Variants in SYN3 observed in about 807,000 individuals in gnomAD.
SYN3 encodes synapsin III.
In SYN3, 35 loss-of-function variants were observed where a neutral mutation model predicts 65.8. The ratio of observed to expected loss-of-function variants is 0.53; its 90% CI spans 0.41 to 0.70. SYN3 has a LOEUF of 0.70. Among genes scored for constraint, SYN3 ranks in the 30% least tolerant of loss-of-function variants. SYN3 has a pLI of 0.00. For missense variants in SYN3, 680 were observed against 749.0 expected (o/e 0.91, Z 1.08); for synonymous variants, 270 against 292.9 (o/e 0.92, Z 0.80).
intron 6 of SYN3, among the ~76,000 whole-genome samples, chr22:32,615,161 C>A (rs73154348): frequency 1.3e-5 from 2 of 151,984 alleles, no homozygotes; most frequent in South Asian, 4.1e-4. Context: ...GCCTGTAATC[C>A]CAGCCATGGG....
At chr22:32,777,364 G>C (rs1183539200) in intron 6 of SYN3, among the ~76,000 whole-genome samples, 3 of 142,532 alleles carry the variant, frequency 2.1e-5, no homozygotes, top group African/African-American at 8.1e-5. Context: ...TCATTTCATG[G>C]CCTGGAGCCA....
At chr22:33,029,193 G>T (rs1192450124) in intron 1 of SYN3, among the ~76,000 whole-genome samples, 1 of 145,976 alleles carries the variant, frequency 6.9e-6, no homozygotes, top group Non-Finnish European at 1.5e-5. Flanking sequence ...TTTTTTTTAA[G>T]AGACGGGGTC....
chr22:33,035,732 C>A (rs543285820), intron 1 of SYN3, among the ~76,000 whole-genome samples: 175 of 152,264 alleles, frequency 1.1e-3, no homozygotes, highest in Non-Finnish European at 2.0e-3. Context: ...GCACGTACCA[C>A]AAGGCCCAGA....
chr22:32,632,007 G>A (rs1355276565), intron 6 of SYN3, among the ~76,000 whole-genome samples: 1 of 152,178 alleles, frequency 6.6e-6, no homozygotes, highest in East Asian at 1.9e-4. Context: ...TGAAGAGCCA[G>A]GATCTGTGGG....
chr22:32,991,372 A>G (rs909449180), intron 2 of SYN3, among the ~76,000 whole-genome samples: 2 of 149,076 alleles, frequency 1.3e-5, no homozygotes, highest in Non-Finnish European at 3.0e-5. Flanking sequence ...TAATAATAAT[A>G]GTAATAATAG....
rs1602043935 is a variant in SYN3 at position 32,745,233 on chromosome 22, CT to C, written c.711+119681del. Among the ~76,000 whole-genome samples, 6 of 152,254 alleles carry C rather than the reference CT, an allele frequency of 3.9e-5. No homozygotes were observed. In the East Asian group the frequency reaches 1.2e-3, roughly 29 times the overall value. ...ATCCAGAGCAGATGGAGAGCCTGGA[CT>C]TTTGCTTTCACTGATATTGGCTCCT... On this transcript the variant is annotated intron_variant, in intron 6 of 13. Coordinates refer to ENST00000358763, the MANE Select transcript of SYN3 (RefSeq NM_003490.4).
intron 6 of SYN3, among the ~76,000 whole-genome samples, chr22:32,715,219 A>C (rs2061020743): frequency 6.6e-6 from 1 of 152,200 alleles, no homozygotes. Context: ...CAAATTACCA[A>C]ATTTGTGTCA....
intron 6 of SYN3, among the ~76,000 whole-genome samples, chr22:32,612,481 A>G (rs2059458466): frequency 1.3e-5 from 2 of 152,202 alleles, no homozygotes; most frequent in East Asian, 3.8e-4. Context: ...AAACCCACAT[A>G]TTTAGTGTCA....
intron 4 of SYN3, among the ~76,000 whole-genome samples, chr22:32,887,977 A>C (rs1000904036): frequency 1.1e-4 from 16 of 152,308 alleles, no homozygotes; most frequent in African/African-American, 3.8e-4. Context: ...GCAATGTAGG[A>C]AAGTTAGTTA....
At chr22:32,975,681 A>C (rs554331618) in intron 3 of SYN3, among the ~76,000 whole-genome samples, 1 of 152,356 alleles carries the variant, frequency 6.6e-6, no homozygotes, top group South Asian at 2.1e-4. Flanking sequence ...TGATCACATC[A>C]AATTTAATCT....
chr22:32,977,222 T>C (rs2052222674), intron 3 of SYN3, among the ~76,000 whole-genome samples: 1 of 152,196 alleles, frequency 6.6e-6, no homozygotes, highest in Non-Finnish European at 1.5e-5. Flanking sequence ...GTAGACTTCA[T>C]AGACTGGCTG....
intron 6 of SYN3, among the ~76,000 whole-genome samples, chr22:32,723,244 C>T (rs1043981360): frequency 3.3e-5 from 5 of 152,226 alleles, no homozygotes; most frequent in Non-Finnish European, 5.9e-5. Flanking sequence ...TTGAAGGTAA[C>T]GTGAGCATGG....
chr22:32,959,258 G>C (rs1006681548), intron 3 of SYN3, among the ~76,000 whole-genome samples: 1 of 152,014 alleles, frequency 6.6e-6, no homozygotes, highest in Non-Finnish European at 1.5e-5. Flanking sequence ...TGTCATCCAT[G>C]TGAGATGGGA....
At chr22:32,997,823 G>C (rs1230660113) in intron 2 of SYN3, among the ~76,000 whole-genome samples, 2 of 152,082 alleles carry the variant, frequency 1.3e-5, no homozygotes, top group East Asian at 1.9e-4. Flanking sequence ...TCAGGAGATC[G>C]AGACCATCCT....
chr22:32,728,585 A>T (rs1309339769), intron 6 of SYN3, among the ~76,000 whole-genome samples: 1 of 152,172 alleles, frequency 6.6e-6, no homozygotes, highest in African/African-American at 2.4e-5. Context: ...ACCGAAAGAG[A>T]CTTGGTATAG....
chr22:32,627,270 C>T (rs2059681599), intron 6 of SYN3, among the ~76,000 whole-genome samples: 1 of 152,096 alleles, frequency 6.6e-6, no homozygotes, highest in Non-Finnish European at 1.5e-5. Flanking sequence ...TTTTAAGCTC[C>T]CTTTGTTTTC....
intron 3 of SYN3, among the ~76,000 whole-genome samples, chr22:32,976,777 G>C (rs1020951283): frequency 2.0e-5 from 3 of 152,134 alleles, no homozygotes; most frequent in Non-Finnish European, 4.4e-5. Flanking sequence ...TTTTTAGACT[G>C]GGGGGAAGAG....
chr22:32,708,284 G>A (rs757985504), intron 6 of SYN3, among the ~76,000 whole-genome samples: 8 of 152,186 alleles, frequency 5.3e-5, no homozygotes, highest in Non-Finnish European at 1.0e-4. Flanking sequence ...ATAATACAAA[G>A]CAGCTCAGAT....
At chr22:33,009,750 AAACACACAC>A (rs1213728264) in intron 1 of SYN3, among the ~76,000 whole-genome samples, 7 of 106,086 alleles carry the variant, frequency 6.6e-5, no homozygotes, top group South Asian at 6.3e-4. Flanking sequence ...ATACGTATCT[AAACACACAC>A]ACACACACAC....
Sources: allele counts gnomAD v4.1 joint callset (sites outside exome capture counted in the v4.1 genomes callset), GRCh38; gene constraint gnomAD v4.1.1; transcripts MANE v1.5; gene names NCBI Gene and HGNC (gene_info 2026-07-23, HGNC 2026-07-21).